The following IPO7 variants were observed in gnomAD, a reference collection of about 807,000 sequenced individuals.
The protein encoded by IPO7 is importin 7.
Under a neutral mutation model 136.4 loss-of-function variants are expected in IPO7, and 13 were observed. The ratio of observed to expected loss-of-function variants is 0.10; its 90% CI spans 0.06 to 0.15. The LOEUF (loss-of-function observed/expected upper bound fraction) is 0.15. IPO7 is among the 10% of genes least tolerant of loss of function. The pLI, the probability that IPO7 is intolerant of heterozygous loss-of-function variation, is 1.00. For synonymous variants in IPO7, 403 were observed against 404.4 expected (o/e 1.00, Z 0.04); for missense variants, 857 against 1,240.6 (o/e 0.69, Z 4.65).
intron 6 of IPO7, among the ~76,000 whole-genome samples, chr11:9,420,014 A>G (rs964125548): frequency 1.3e-5 from 2 of 152,156 alleles, no homozygotes; most frequent in Admixed American, 6.5e-5. Context: ...TTCCAAGTCT[A>G]ACCTTCTACT....
chr11:9,407,880 TTTG>T lies in IPO7; in HGVS notation c.167-603_167-601del. ...AGCCTGGATTTTACCACTTCATCAGTTTGTTAACTTTTGTCAAATAGCAATGTG... is the reference window on the plus strand; with the variant it reads ...AGCCTGGATTTTACCACTTCATCAGTTTAACTTTTGTCAAATAGCAATGTG... On this transcript the variant is annotated intron_variant, in intron 2 of 24. Coordinates refer to ENST00000379719, the MANE Select transcript of IPO7 (RefSeq NM_006391.3). 2.0e-5 allele frequency among the ~76,000 whole-genome samples: 3 copies of T among 152,324 alleles called. No homozygotes were observed. In the Middle Eastern group the frequency reaches 0.01, roughly 518 times the overall value.
At chr11:9,412,342 A>G (rs1488545893) in intron 4 of IPO7, among the ~76,000 whole-genome samples, 1 of 152,092 alleles carries the variant, frequency 6.6e-6, no homozygotes, top group Non-Finnish European at 1.5e-5. Context: ...AATTCTTTAT[A>G]TTTTCTCTCT....
intron 12 of IPO7, among the ~76,000 whole-genome samples, chr11:9,428,320 T>G (rs1369218635): frequency 6.6e-6 from 1 of 152,202 alleles, no homozygotes; most frequent in African/African-American, 2.4e-5. Flanking sequence ...TTTGGCATAA[T>G]GGCTTTCTAA....
At chr11:9,422,726 T>C (rs1395906358) in intron 8 of IPO7, among the ~76,000 whole-genome samples, 1 of 152,056 alleles carries the variant, frequency 6.6e-6, no homozygotes, top group Non-Finnish European at 1.5e-5. Flanking sequence ...GATGGGAGAA[T>C]CGCTTGAGGC....
Position 9,428,617 on chromosome 11 carries a change from C to A in IPO7, c.1413C>A (p.Tyr471Ter). The change falls in exon 13 of 25, where the codon TAC becomes TAA. Residue 471 changes from tyrosine (Y) to a stop codon, truncating the protein, a stop_gained. Transcript: ENST00000379719. LOFTEE classifies it high-confidence loss of function. ...CTCTCTTCAGCAGTGAACTAGGCTA[C>A]ATGAGAGCAAGGGTATGTTTTAAAG... Reference protein sequence around the residue: ...VFPLFSSELGYMRARACWVLH... With the variant: ...VFPLFSSELG 1 of 1,549,094 alleles carries A rather than the reference C, an allele frequency of 6.5e-7. No homozygotes were observed. Among genetic ancestry groups the A allele is most frequent in the Non-Finnish European group, 8.9e-7 (1 of 1,123,256 alleles).
At chr11:9,402,478 C>T (rs1218982378) in intron 1 of IPO7, among the ~76,000 whole-genome samples, 2 of 144,422 alleles carry the variant, frequency 1.4e-5, no homozygotes, top group Non-Finnish European at 3.0e-5. Context: ...AACCCCAGTA[C>T]TTTCAGAGGT....
chr11:9,429,640 G>C (rs762812198), intron 14 of IPO7, 34 bp from the exon 15 acceptor site: 3 of 1,574,328 alleles, frequency 1.9e-6, no homozygotes, highest in Non-Finnish European at 8.6e-7. Context: ...AGTTTTAGGG[G>C]TTTTACGCAA....
intron 15 of IPO7, 48 bp from the exon 16 acceptor site, chr11:9,430,827 T>C (rs1855283692): frequency 6.4e-7 from 1 of 1,570,458 alleles, no homozygotes; most frequent in Non-Finnish European, 8.7e-7. Context: ...CCAAAACATA[T>C]TTATAATGCT....
chr11:9,417,052 T>C lies in IPO7; in HGVS notation c.637-7T>C. On this transcript the variant is annotated splice_region_variant and splice_polypyrimidine_tract_variant and intron_variant, in intron 5 of 24. Coordinates refer to ENST00000379719, the MANE Select transcript of IPO7 (RefSeq NM_006391.3). ...TTTCGAAATATTAATTCTTGACTTTTATTTAGTATACACTACCACTGGAAC... is the reference window on the plus strand; with the variant it reads ...TTTCGAAATATTAATTCTTGACTTTCATTTAGTATACACTACCACTGGAAC... 7.5e-7 allele frequency: 1 copy of C among 1,336,306 alleles called. No individual in the cohort carries two copies. The highest frequency in any genetic ancestry group is 2.3e-5 in the East Asian group (1 of 43,082). 82.8% of individuals were successfully genotyped at this position (1,336,306 alleles called of 1,614,324 possible). A position where few individuals can be genotyped will look rare whatever the true frequency, so the allele number is the denominator to read the frequency against.
intron 1 of IPO7, among the ~76,000 whole-genome samples, chr11:9,385,195 G>C (rs1208181364): frequency 1.3e-5 from 2 of 150,696 alleles, no homozygotes; most frequent in Admixed American, 1.3e-4. Flanking sequence ...ACGTCCAGGA[G>C]GGGGCGAAAC....
At chr11:9,393,629 C>G (rs1191409681) in intron 1 of IPO7, among the ~76,000 whole-genome samples, 1 of 152,140 alleles carries the variant, frequency 6.6e-6, no homozygotes, top group Non-Finnish European at 1.5e-5. Flanking sequence ...GTGATCCACC[C>G]TCCTCGGCCT....
At chr11:9,433,540 C>G in intron 16 of IPO7, 30 bp from the exon 17 acceptor site, 1 of 1,531,984 alleles carries the variant, frequency 6.5e-7, no homozygotes, top group Non-Finnish European at 9.0e-7. Flanking sequence ...TAGGCTGTAA[C>G]TGCATATGAT....
At chr11:9,397,962 C>T (rs1343884579) in intron 1 of IPO7, among the ~76,000 whole-genome samples, 1 of 152,152 alleles carries the variant, frequency 6.6e-6, no homozygotes, top group Non-Finnish European at 1.5e-5. Context: ...GAAGTGGCAT[C>T]ACCTAGATTT....
intron 8 of IPO7, among the ~76,000 whole-genome samples, chr11:9,422,368 A>G (rs1855145617): frequency 6.6e-6 from 1 of 152,166 alleles, no homozygotes; most frequent in Non-Finnish European, 1.5e-5. Flanking sequence ...ATGGTTTTGT[A>G]CCATTGGTGC....
rs189411835 is a variant in IPO7, at chr11:9,442,251, A to T, written c.3019+54A>T. 1.1e-3 allele frequency: 802 copies of T among 750,880 alleles called. 4 individuals are homozygous for T. In the African/African-American group the frequency reaches 0.012, roughly 12 times the overall value. 46.5% of individuals were successfully genotyped at this position (750,880 alleles called of 1,614,324 possible). ...AATTAGTGACTTTTATAGGTTTAAA[A>T]TTTTATATCGTTTAATTTTATATCA... On this transcript the variant is annotated intron_variant, in intron 24 of 24. Transcript: ENST00000379719.
intron 4 of IPO7, among the ~76,000 whole-genome samples, chr11:9,410,834 T>C (rs1202400252): frequency 6.6e-6 from 1 of 152,190 alleles, no homozygotes; most frequent in African/African-American, 2.4e-5. Context: ...AAGACTTTTA[T>C]ACCATGATCG....
intron 22 of IPO7, among the ~76,000 whole-genome samples, chr11:9,438,811 A>G (rs1855420407): frequency 2.6e-5 from 4 of 152,170 alleles, no homozygotes; most frequent in Admixed American, 6.5e-5. Flanking sequence ...ACCAACAAAG[A>G]TTTGTTTATT....
chr11:9,429,641 T>G, intron 14 of IPO7, 33 bp from the exon 15 acceptor site: 1 of 1,576,346 alleles, frequency 6.3e-7, no homozygotes, highest in East Asian at 2.3e-5. Context: ...GTTTTAGGGG[T>G]TTTACGCAAG....
chr11:9,417,200 T>G (rs2133744538), intron 6 of IPO7, 52 bp downstream of exon 6: 2 of 786,684 alleles, frequency 2.5e-6, no homozygotes, highest in East Asian at 2.5e-5. Flanking sequence ...TTTAATGATC[T>G]TTTGAAGACT....
Sources: gnomAD v4.1 joint callset for allele counts (sites outside exome capture counted in the v4.1 genomes callset) on GRCh38, gnomAD v4.1.1 for gene constraint, MANE v1.5 for transcripts, NCBI Gene and HGNC (gene_info 2026-07-23, HGNC 2026-07-21) for gene names.